The following EYS variants were observed in gnomAD, a reference collection of about 807,000 sequenced individuals.
The protein encoded by EYS is EGF-like photoreceptor maintenance factor.
A neutral mutation model predicts 282.1 loss-of-function variants in EYS; 250 were observed. The observed-to-expected ratio is 0.89, with a 90% CI of 0.80 to 0.98. EYS has a LOEUF of 0.98. Among genes scored for constraint, EYS ranks in the 50% least tolerant of loss-of-function variants. The pLI, the probability that EYS is intolerant of heterozygous loss-of-function variation, is 0.00. For synonymous variants in EYS, 1,355 were observed against 1,282.9 expected, an observed-to-expected ratio of 1.06 and a Z score of -1.20; for missense variants, 4,016 against 3,709.0, an observed-to-expected ratio of 1.08 and a Z score of -2.15.
chr6:64,148,904 G>C (rs183134782), intron 31 of EYS, among the ~76,000 whole-genome samples: 105 of 152,136 alleles, frequency 6.9e-4, no homozygotes, highest in African/African-American at 2.5e-3. Context: ...TATTTCATTT[G>C]ATGAAAAAAC....
intron 12 of EYS, among the ~76,000 whole-genome samples, chr6:65,069,692 C>T (rs538809807): frequency 1.3e-4 from 20 of 151,974 alleles, no homozygotes; most frequent in Non-Finnish European, 2.5e-4. Context: ...GTATACATAC[C>T]TGAGTAAACT....
At chr6:65,443,347 T>C (rs1372946188) in intron 5 of EYS, among the ~76,000 whole-genome samples, 3 of 115,194 alleles carry the variant, frequency 2.6e-5, no homozygotes, top group Admixed American at 2.1e-4. Context: ...TGTACACATA[T>C]AGACATATAT....
intron 12 of EYS, among the ~76,000 whole-genome samples, chr6:65,250,936 T>A (rs975640971): frequency 4.6e-5 from 7 of 150,688 alleles, no homozygotes; most frequent in Non-Finnish European, 1.0e-4. Context: ...CAAATTATAA[T>A]CCCAATGAGT....
chr6:64,672,257 C>T (rs1769488978), intron 22 of EYS, among the ~76,000 whole-genome samples: 1 of 152,190 alleles, frequency 6.6e-6, no homozygotes, highest in South Asian at 2.1e-4. Context: ...AATGAAACAG[C>T]AGCCACAGAA....
intron 11 of EYS, among the ~76,000 whole-genome samples, chr6:65,317,822 C>CAGACAGAG (rs1562092977): frequency 5.6e-5 from 3 of 53,366 alleles, no homozygotes; most frequent in African/African-American, 2.4e-4. Flanking sequence ...TCCTTCCTTC[C>CAGACAGAG]TTCCTTTCTT....
At chr6:63,829,056 T>G (rs1290112894) in intron 36 of EYS, among the ~76,000 whole-genome samples, 1 of 152,170 alleles carries the variant, frequency 6.6e-6, no homozygotes, top group Non-Finnish European at 1.5e-5. Context: ...CAATTCACAA[T>G]CGCAAAATCA....
intron 22 of EYS, among the ~76,000 whole-genome samples, chr6:64,709,299 G>C (rs1328979674): frequency 2.0e-5 from 3 of 152,088 alleles, no homozygotes; most frequent in Non-Finnish European, 4.4e-5. Flanking sequence ...AATGTTGTCA[G>C]TAATCAAACA....
chr6:65,590,029 A>T (rs558933587), intron 2 of EYS, among the ~76,000 whole-genome samples: 1 of 152,228 alleles, frequency 6.6e-6, no homozygotes, highest in Admixed American at 6.6e-5. Context: ...TTTTTAAAGC[A>T]TATAAGAAAG....
rs1283297563 is a variant in EYS at position 64,151,335 on chromosome 6, A to ATATT, written c.6425-69334_6425-69333insAATA. Among the ~76,000 whole-genome samples, 27 of 103,994 alleles carry ATATT rather than the reference A, an allele frequency of 2.6e-4. 1 individual carries two copies. Among genetic ancestry groups the ATATT allele is most frequent in the Admixed American group, 6.2e-4 (7 of 11,278 alleles). 68.2% of individuals were successfully genotyped at this position (103,994 alleles called of 152,430 possible). A position where few individuals can be genotyped will look rare whatever the true frequency, so the allele number is the denominator to read the frequency against. The stretch of plus-strand genomic sequence containing the variant: ...TGTATATTTATATATATATATATAT[A>ATATT]TATATATATATATATATATATATAT... On this transcript the variant is annotated intron_variant, in intron 31 of 42. Transcript: ENST00000503581.
chr6:64,497,671 G>A (rs374630175), intron 26 of EYS, among the ~76,000 whole-genome samples: 4 of 152,012 alleles, frequency 2.6e-5, no homozygotes, highest in Admixed American at 6.6e-5. Context: ...ACAGACTCAC[G>A]GGCAAACCAG....
At chr6:64,109,352 C>T (rs1203699348) in intron 31 of EYS, among the ~76,000 whole-genome samples, 5 of 151,960 alleles carry the variant, frequency 3.3e-5, no homozygotes, top group Non-Finnish European at 7.4e-5. Context: ...TTCATTATTC[C>T]ATCCTTAATC....
At chr6:64,169,424 A>C (rs2150305779) in intron 31 of EYS, among the ~76,000 whole-genome samples, 1 of 96,600 alleles carries the variant, frequency 1.0e-5, no homozygotes, top group East Asian at 3.0e-4. Flanking sequence ...AAACAATTTG[A>C]GGAGGAGTTT....
intron 31 of EYS, among the ~76,000 whole-genome samples, chr6:64,226,203 A>G (rs1353039499): frequency 1.3e-5 from 2 of 152,148 alleles, no homozygotes; most frequent in Admixed American, 6.6e-5. Context: ...CTTTTAATAT[A>G]TTCCAGTTAT....
chr6:64,231,296 A>AT (rs928667269), intron 30 of EYS, among the ~76,000 whole-genome samples: 245 of 150,040 alleles, frequency 1.6e-3, no homozygotes, highest in African/African-American at 4.7e-3. Flanking sequence ...ATATTCCCTA[A>AT]TTTTTTTTTT....
chr6:65,011,804 A>C (rs1771879588), intron 13 of EYS, among the ~76,000 whole-genome samples: 1 of 152,184 alleles, frequency 6.6e-6, no homozygotes. Flanking sequence ...AGGCAACAAC[A>C]GGAGGTAAAG....
At chr6:65,148,641 C>A (rs896081643) in intron 12 of EYS, among the ~76,000 whole-genome samples, 2 of 152,012 alleles carry the variant, frequency 1.3e-5, no homozygotes, top group African/African-American at 4.8e-5. Context: ...TCTGACAGCT[C>A]CAGTAGGCAG....
rs1239806410 is a variant in EYS at position 64,617,529 on chromosome 6, C to A, written c.3573G>T (p.Trp1191Cys). The change falls in exon 24 of 43, where the codon TGG becomes TGT. Residue 1191 changes from tryptophan to cysteine, a missense_variant. By Grantham distance (215) the Trp-to-Cys change is radical (BLOSUM62 -2). Transcript: ENST00000503581. Reference protein sequence around the residue: ...NGYVCKCQPGWSGHHCENELE... With the variant: ...NGYVCKCQPGCSGHHCENELE... ...GCTCATTCTCACAGTGGTGTCCAGA[C>A]CATCCTGTTCAACAAAATTACAAAG... The A allele has an allele frequency of 6.5e-7, 1 of 1,535,634 alleles. No individual in the cohort carries two copies. The highest frequency in any genetic ancestry group is 8.8e-7 in the Non-Finnish European group (1 of 1,134,354).
intron 39 of EYS, chr6:63,786,229 A>G (rs1582205924): frequency 6.6e-6 from 1 of 151,404 alleles, no homozygotes; most frequent in African/African-American, 2.4e-5. Flanking sequence ...AAAAAGGTAA[A>G]GTAAAATAAA....
chr6:64,307,718 G>A (rs1769507105), intron 29 of EYS, among the ~76,000 whole-genome samples: 1 of 152,002 alleles, frequency 6.6e-6, no homozygotes, highest in Non-Finnish European at 1.5e-5. Context: ...AGCTGCTCTT[G>A]CTACACACAG....
Sources: gnomAD v4.1 joint callset for allele counts (sites outside exome capture counted in the v4.1 genomes callset) on GRCh38, gnomAD v4.1.1 for gene constraint, MANE v1.5 for transcripts, NCBI Gene and HGNC (gene_info 2026-07-23, HGNC 2026-07-21) for gene names.